ANOS1: variants seen among roughly 807,000 people sequenced by gnomAD.
ANOS1 encodes the protein anosmin-1.
ANOS1 carries 6 observed loss-of-function variants against 59.0 expected under a neutral mutation model. That is an observed-to-expected ratio of 0.10 (90% CI 0.06 to 0.20). ANOS1 has a LOEUF of 0.20. Ranked by LOEUF, ANOS1 falls within the 10% of genes least tolerant of loss-of-function variation. ANOS1 has a pLI of 1.00. For missense variants in ANOS1, 433 were observed against 542.3 expected (o/e 0.80, Z 2.00); for synonymous variants, 217 against 223.4 (o/e 0.97, Z 0.25).
chrX:8,666,262 C>T (rs930954380), intron 2 of ANOS1, among the ~76,000 whole-genome samples: 1 of 111,183 alleles, frequency 9.0e-6, no homozygotes, highest in Non-Finnish European at 1.9e-5. Flanking sequence ...ATTATATAAT[C>T]TTTGATGTAT....
At chrX:8,717,361 T>C (rs1569090204) in intron 1 of ANOS1, among the ~76,000 whole-genome samples, 1 of 112,020 alleles carries the variant, frequency 8.9e-6, no homozygotes, top group Non-Finnish European at 1.9e-5. Flanking sequence ...AGTCTATATT[T>C]GTTTTTCTGG....
chrX:8,628,063 C>T (rs769765853), intron 2 of ANOS1, among the ~76,000 whole-genome samples: 6 of 111,133 alleles, frequency 5.4e-5, no homozygotes, highest in Non-Finnish European at 1.1e-4. Flanking sequence ...AAACAGGATG[C>T]AGTAAAGAAG....
intron 1 of ANOS1, among the ~76,000 whole-genome samples, chrX:8,716,111 G>C (rs1262506682): frequency 2.7e-5 from 3 of 111,667 alleles, no homozygotes; most frequent in African/African-American, 9.8e-5. Context: ...GAAAGGAAAA[G>C]AAGTTTACTT....
intron 1 of ANOS1, among the ~76,000 whole-genome samples, chrX:8,717,712 C>T (rs1932849964): frequency 9.0e-6 from 1 of 111,569 alleles, no homozygotes; most frequent in Non-Finnish European, 1.9e-5. Flanking sequence ...CATTTCTACT[C>T]AAAGATATGA....
intron 6 of ANOS1, among the ~76,000 whole-genome samples, chrX:8,581,783 C>T (rs1156810393): frequency 1.8e-5 from 2 of 111,922 alleles, no homozygotes; most frequent in Non-Finnish European, 3.8e-5. Context: ...ATGTAACTTC[C>T]ATACCATAAA....
At chrX:8,706,461 T>C (rs1214295195) in intron 1 of ANOS1, among the ~76,000 whole-genome samples, 1 of 112,397 alleles carries the variant, frequency 8.9e-6, no homozygotes, top group East Asian at 2.8e-4. Flanking sequence ...AAGCAATAGA[T>C]GAAACTATAG....
intron 9 of ANOS1, among the ~76,000 whole-genome samples, chrX:8,541,555 G>A (rs1265398917): frequency 2.4e-4 from 23 of 96,476 alleles, no homozygotes; most frequent in Non-Finnish European, 4.4e-4. Flanking sequence ...TGAAGAAGGT[G>A]TAGCAGTGGG....
intron 11 of ANOS1, among the ~76,000 whole-genome samples, chrX:8,536,209 TTTTTTTTA>T (rs1436903366): frequency 0.045 from 3,613 of 79,662 alleles, 319 homozygotes; most frequent in African/African-American, 0.17. Flanking sequence ...TTTTTTTTTT[TTTTTTTTA>T]AAAGGTGAGA....
chrX:8,698,444 G>A (rs1004621900), intron 2 of ANOS1, among the ~76,000 whole-genome samples: 5 of 112,062 alleles, frequency 4.5e-5, no homozygotes, highest in African/African-American at 9.7e-5. Flanking sequence ...TATAATACAC[G>A]ATTAATACGA....
chrX:8,699,000 T>C (rs755106068), intron 2 of ANOS1, among the ~76,000 whole-genome samples: 166 of 111,756 alleles, frequency 1.5e-3, no homozygotes, highest in Middle Eastern at 4.7e-3. Flanking sequence ...TGAAACACTA[T>C]TATGATCCCA....
chrX:8,670,280 T>C (rs1160293231), intron 2 of ANOS1, among the ~76,000 whole-genome samples: 1 of 111,737 alleles, frequency 8.9e-6, no homozygotes, highest in Non-Finnish European at 1.9e-5. Flanking sequence ...GATTTCCTTT[T>C]GTTTTTGAAG....
chrX:8,665,178 T>C (rs905349585), intron 2 of ANOS1, among the ~76,000 whole-genome samples: 1 of 112,152 alleles, frequency 8.9e-6, no homozygotes, highest in African/African-American at 3.2e-5. Flanking sequence ...AGTCAAACCT[T>C]GACAAACTGG....
chrX:8,544,057 T>C (rs1194056556), intron 9 of ANOS1, among the ~76,000 whole-genome samples: 1 of 109,335 alleles, frequency 9.1e-6, no homozygotes, highest in African/African-American at 3.3e-5. Context: ...GCTTCAACTA[T>C]GGTTCAAAAA....
chrX:8,638,469 G>A (rs1328704007), intron 2 of ANOS1, among the ~76,000 whole-genome samples: 7 of 112,018 alleles, frequency 6.2e-5, no homozygotes, highest in African/African-American at 2.3e-4. Context: ...CAAACACACA[G>A]TCTGCATGCT....
chrX:8,592,135 A>C (rs1930632603), intron 4 of ANOS1, among the ~76,000 whole-genome samples: 1 of 112,029 alleles, frequency 8.9e-6, no homozygotes, highest in Non-Finnish European at 1.9e-5. Context: ...TTTTATTACT[A>C]TTAATTTTTA....
chrX:8,704,826 T>C (rs1265930221), intron 1 of ANOS1, among the ~76,000 whole-genome samples: 1 of 111,891 alleles, frequency 8.9e-6, no homozygotes, highest in Non-Finnish European at 1.9e-5. Context: ...TTTGCCATTA[T>C]ATTGTCTTTA....
intron 2 of ANOS1, among the ~76,000 whole-genome samples, chrX:8,636,785 T>G (rs1389027355): frequency 8.9e-6 from 1 of 111,933 alleles, no homozygotes; most frequent in Non-Finnish European, 1.9e-5. Flanking sequence ...ACCCCAGCTT[T>G]GTCAACATGA....
chrX:8,663,148 C>G (rs1356340301), intron 2 of ANOS1, among the ~76,000 whole-genome samples: 1 of 112,281 alleles, frequency 8.9e-6, no homozygotes, highest in Admixed American at 9.4e-5. Flanking sequence ...ACCAACCCCA[C>G]TGACACCTTG....
At chrX:8,540,528 A>G (rs1245123401) in intron 9 of ANOS1, among the ~76,000 whole-genome samples, 1 of 111,394 alleles carries the variant, frequency 9.0e-6, no homozygotes. Flanking sequence ...GGGGGAAAAA[A>G]GATAAAATAG....
Sources: gnomAD v4.1 joint callset for allele counts (sites outside exome capture counted in the v4.1 genomes callset) on GRCh38, gnomAD v4.1.1 for gene constraint, MANE v1.5 for transcripts, NCBI Gene and HGNC (gene_info 2026-07-23, HGNC 2026-07-21) for gene names.